Variants in ZNF536 observed in about 807,000 individuals in gnomAD.
ZNF536 encodes the protein zinc finger protein 536.
ZNF536 carries 13 observed loss-of-function variants against 84.5 expected under a neutral mutation model. The ratio of observed to expected loss-of-function variants is 0.15; its 90% CI spans 0.10 to 0.24. ZNF536 has a LOEUF of 0.24. Ranked by LOEUF, ZNF536 falls within the 10% of genes least tolerant of loss-of-function variation. The pLI, the probability that ZNF536 is intolerant of heterozygous loss-of-function variation, is 1.00. For missense variants in ZNF536, 1,536 were observed against 1,747.5 expected (o/e 0.88, Z 2.16); for synonymous variants, 811 against 742.5 (o/e 1.09, Z -1.50).
chr19:30,533,209 C>T (rs955260301), intron 2 of ZNF536, among the ~76,000 whole-genome samples: 1 of 152,030 alleles, frequency 6.6e-6, no homozygotes, highest in Non-Finnish European at 1.5e-5. Flanking sequence ...TTGCTTAGAG[C>T]GAATACTCAA....
At chr19:30,365,355 C>T (rs1477189865) in intron 3 of ZNF536, among the ~76,000 whole-genome samples, 1 of 152,142 alleles carries the variant, frequency 6.6e-6, no homozygotes, top group Non-Finnish European at 1.5e-5. Context: ...TTTCTCTCTT[C>T]CCTCTCTCTT....
At chr19:30,443,220 T>C (rs1451981671) in intron 1 of ZNF536, among the ~76,000 whole-genome samples, 1 of 152,130 alleles carries the variant, frequency 6.6e-6, no homozygotes, top group African/African-American at 2.4e-5. Context: ...GGTGCGACAA[T>C]GGGGCAACGG....
intron 2 of ZNF536, among the ~76,000 whole-genome samples, chr19:30,476,970 A>G (rs2053875131): frequency 6.6e-6 from 1 of 150,912 alleles, no homozygotes; most frequent in Non-Finnish European, 1.5e-5. Flanking sequence ...TTTTTTTTTA[A>G]TAGAGATGGG....
intron 2 of ZNF536, among the ~76,000 whole-genome samples, chr19:30,520,694 A>G (rs1028164233): frequency 5.9e-5 from 9 of 152,118 alleles, no homozygotes; most frequent in African/African-American, 2.2e-4. Flanking sequence ...GGAGGATCCT[A>G]TGGTGACTCC....
chr19:30,476,958 T>C lies in ZNF536; in HGVS notation c.2170+31226T>C, dbSNP rs552831204. ...CTTTGCACTTCCTATACTTGCTGGGTTTTTTTTTTTAATAGAGATGGGGTC... is the reference window on the plus strand; with the variant it reads ...CTTTGCACTTCCTATACTTGCTGGGCTTTTTTTTTTAATAGAGATGGGGTC... On this transcript the variant is annotated intron_variant, in intron 2 of 4. Transcript: ENST00000355537. 1.6e-3 allele frequency among the ~76,000 whole-genome samples: 223 copies of C among 135,818 alleles called. 1 individual carries two copies. The highest frequency in any genetic ancestry group is 7.1e-3 in the African/African-American group (212 of 29,964). The allele number at this position is 135,818 out of a possible 152,430, so 89.1% of individuals were successfully genotyped here.
chr19:30,296,081 C>G (rs1216031974), intron 2 of ZNF536: 1 of 152,220 alleles, frequency 6.6e-6, no homozygotes, highest in African/African-American at 2.4e-5. Context: ...AAGCACCGTG[C>G]TCATTTATAT....
rs1249727916 is a variant in ZNF536, at chr19:30,445,202, A to G, written c.1640A>G (p.Asn547Ser). The stretch of plus-strand genomic sequence containing the variant: ...TCTAAAGAGCATCCGCTGCAGCGCA[A>G]CCACGAAGACACTTTGGCAAACGCC... The part of the protein sequence containing the change: ...FLSKEHPLQR[N>S]HEDTLANAGV... Residue 547 changes from asparagine (N) to serine (S), a missense_variant, in exon 2 of 5, where the codon AAC (asparagine) becomes AGC (serine). Coordinates refer to ENST00000355537, the MANE Select transcript of ZNF536 (RefSeq NM_014717.3). The surrounding 1 kb of genome is among the most constrained non-coding windows in gnomAD (Gnocchi z 4.5). 1.2e-6 allele frequency: 2 copies of G among 1,614,202 alleles called. No homozygotes were observed. The highest frequency in any genetic ancestry group is 1.7e-6 in the Non-Finnish European group (2 of 1,180,036).
chr19:30,235,792 T>C (rs953541842), intron 1 of ZNF536, among the ~76,000 whole-genome samples: 4 of 152,236 alleles, frequency 2.6e-5, no homozygotes, highest in Admixed American at 6.5e-5. Context: ...GGCTGGGAAG[T>C]CTTACTGCAA....
At position 30,539,093 on chromosome 19, in the gene ZNF536, AAAAAG is replaced by A. The variant is rs1261873146; in HGVS notation, c.2323+4105_2323+4109del. Among the ~76,000 whole-genome samples, 7 of 151,582 alleles carry A rather than the reference AAAAAG, an allele frequency of 4.6e-5. No individual in the cohort carries two copies. The East Asian group carries it at 7.7e-4, about 17-fold the overall frequency. On this transcript the variant is annotated intron_variant, in intron 3 of 4. Coordinates refer to ENST00000355537, the MANE Select transcript of ZNF536 (RefSeq NM_014717.3). ...GAAAAGGAAAGAAAGAAAAGAAAAG[AAAAAG>A]AAAAGAAAAGGAGATATGCACCCCC...
chr19:30,402,419 C>T (rs1297375157), intron 1 of ZNF536, among the ~76,000 whole-genome samples: 1 of 152,062 alleles, frequency 6.6e-6, no homozygotes, highest in African/African-American at 2.4e-5. Flanking sequence ...TTGAAGCTAA[C>T]CTTTTGAAAT....
At chr19:30,399,326 G>T (rs1448167234) in intron 1 of ZNF536, among the ~76,000 whole-genome samples, 1 of 152,030 alleles carries the variant, frequency 6.6e-6, no homozygotes, top group African/African-American at 2.4e-5. Context: ...CCCTTTGTCA[G>T]ATGGATAGAT....
chr19:30,439,955 C>CTTTTTTTTTTTTTTTTTTTTTTTTTT (rs1369505835), intron 1 of ZNF536, among the ~76,000 whole-genome samples: 1 of 133,044 alleles, frequency 7.5e-6, no homozygotes, highest in East Asian at 2.5e-4. Context: ...CTTTTTCTTT[C>CTTTTTTTTTTTTTTTTTTTTTTTTTT]TTTCTTTTTT....
chr19:30,321,753 T>G (rs1478829412), intron 2 of ZNF536, among the ~76,000 whole-genome samples: 3 of 150,392 alleles, frequency 2.0e-5, no homozygotes, highest in South Asian at 2.1e-4. Context: ...TTAATTTTTG[T>G]TTTCTTTTTT....
At chr19:30,361,913 T>C (rs2048286662) in intron 3 of ZNF536, among the ~76,000 whole-genome samples, 2 of 152,216 alleles carry the variant, frequency 1.3e-5, no homozygotes, top group South Asian at 4.1e-4. Flanking sequence ...TGTGTCCCTC[T>C]TGGCCCTTCA....
At chr19:30,476,670 G>A (rs2053859048) in intron 2 of ZNF536, among the ~76,000 whole-genome samples, 1 of 152,218 alleles carries the variant, frequency 6.6e-6, no homozygotes, top group Admixed American at 6.5e-5. Context: ...TAGGCTTGGA[G>A]GCAGGGAAGC....
At chr19:30,229,837 C>A (rs1284346423) in intron 1 of ZNF536, among the ~76,000 whole-genome samples, 3 of 152,198 alleles carry the variant, frequency 2.0e-5, no homozygotes, top group Admixed American at 6.5e-5. Flanking sequence ...TGAGGAGAAA[C>A]CCGGCTGCCA....
At chr19:30,324,198 T>C (rs1335084146) in intron 2 of ZNF536, among the ~76,000 whole-genome samples, 1 of 152,086 alleles carries the variant, frequency 6.6e-6, no homozygotes, top group Non-Finnish European at 1.5e-5. Context: ...ATTCATCCAA[T>C]CTATCATATA....
chr19:30,697,224 C>G (rs539756623), intron 1 of ZNF536, among the ~76,000 whole-genome samples: 11 of 152,192 alleles, frequency 7.2e-5, no homozygotes, highest in Admixed American at 5.2e-4. Context: ...GGAAATGGTC[C>G]CCATGATCCA....
chr19:30,609,116 T>C (rs1277070670), intron 1 of ZNF536, among the ~76,000 whole-genome samples: 2 of 152,228 alleles, frequency 1.3e-5, no homozygotes, highest in Admixed American at 6.5e-5. Flanking sequence ...TACTTTTCTA[T>C]TCAATTGCTC....
Sources: allele counts gnomAD v4.1 joint callset (sites outside exome capture counted in the v4.1 genomes callset), GRCh38; gene constraint gnomAD v4.1.1; non-coding constraint Gnocchi (gnomAD v3.1); transcripts MANE v1.5; gene names NCBI Gene and HGNC (gene_info 2026-07-23, HGNC 2026-07-21).